KCNS3: variants seen among roughly 807,000 people sequenced by gnomAD.
KCNS3 encodes delayed-rectifier potassium channel regulatory subunit KCNS3.
A neutral mutation model predicts 31.0 loss-of-function variants in KCNS3; 13 were observed. The observed-to-expected ratio is 0.42, with a 90% CI of 0.27 to 0.67. The LOEUF (loss-of-function observed/expected upper bound fraction) is 0.67. Ranked by LOEUF, KCNS3 falls within the 30% of genes least tolerant of loss-of-function variation. The probability of loss-of-function intolerance (pLI) is 0.25; values close to 1 mark genes in which losing one functional copy is unlikely to be tolerated. For synonymous variants in KCNS3, 238 were observed against 241.5 expected, an observed-to-expected ratio of 0.99 and a Z score of 0.13; for missense variants, 545 against 622.4, an observed-to-expected ratio of 0.88 and a Z score of 1.32.
chr2:17,932,515 C>T lies in KCNS3; in HGVS notation c.*31C>T. 6.3e-7 allele frequency: 1 copy of T among 1,576,096 alleles called. No homozygotes were observed. The highest frequency in any genetic ancestry group is 8.6e-7 in the Non-Finnish European group (1 of 1,162,952). On this transcript the variant is annotated 3_prime_UTR_variant, in exon 3 of 3. Coordinates refer to ENST00000304101, the MANE Select transcript of KCNS3 (RefSeq NM_002252.5). ...GGTGTTTGTGCCTGTTTCTCTTATC[C>T]TTTCCCGACATTAGGTTAACACAGC...
In KCNS3 at chr2:17,932,246, A is replaced by G. The variant is rs1663014184; in HGVS notation, c.1238A>G (p.Tyr413Cys). 2 of 1,614,004 alleles carry G rather than the reference A, an allele frequency of 1.2e-6. No individual in the cohort carries two copies. The highest frequency in any genetic ancestry group is 1.7e-6 in the Non-Finnish European group (2 of 1,179,894). The change falls in exon 3 of 3, where the codon TAC (tyrosine) becomes TGC (cysteine). Residue 413 changes from tyrosine (Y) to cysteine (C), a missense_variant. By Grantham distance (194) the Tyr-to-Cys change is radical. Transcript: ENST00000304101. Reference sequence around the variant, plus strand: ...ATCTTCAACAAGTTTTCCAAGTACTACCAGAAGCAAAAGGACATTGATGTG... The same window carrying G: ...ATCTTCAACAAGTTTTCCAAGTACTGCCAGAAGCAAAAGGACATTGATGTG... ...TIIFNKFSKY[Y>C]QKQKDIDVDQ...
intron 1 of KCNS3, among the ~76,000 whole-genome samples, chr2:17,906,639 A>G (rs1662324217): frequency 6.6e-6 from 1 of 152,212 alleles, no homozygotes; most frequent in Non-Finnish European, 1.5e-5. Flanking sequence ...TAAATGTCCC[A>G]GAGATTCTGG....
Position 17,932,491 on chromosome 2 carries a change from G to C in KCNS3, c.*7G>C, listed in dbSNP as rs753429258. ...GAATTGCACAGCAAAATGAGCGGGG[G>C]TGTTTGTGCCTGTTTCTCTTATCCT... On this transcript the variant is annotated 3_prime_UTR_variant, in exon 3 of 3. Transcript: ENST00000304101. The C allele has an allele frequency of 7.5e-6, 12 of 1,600,002 alleles. No individual in the cohort carries two copies. In the Admixed American group the frequency reaches 8.5e-5, roughly 11 times the overall value.
At chr2:17,926,562 C>G (rs1289237932) in intron 2 of KCNS3, among the ~76,000 whole-genome samples, 4 of 152,330 alleles carry the variant, frequency 2.6e-5, no homozygotes, top group Non-Finnish European at 5.9e-5. Context: ...TTCTTCTGTC[C>G]ACTTGCAGGC....
chr2:17,885,473 T>C (rs1228180741), intron 1 of KCNS3, among the ~76,000 whole-genome samples: 4 of 152,192 alleles, frequency 2.6e-5, no homozygotes, highest in African/African-American at 9.6e-5. Flanking sequence ...AGAAATTGGT[T>C]CACGCAATTA....
intron 1 of KCNS3, among the ~76,000 whole-genome samples, chr2:17,894,153 C>T (rs1661931535): frequency 6.6e-6 from 1 of 151,952 alleles, no homozygotes; most frequent in African/African-American, 2.4e-5. Context: ...GTGAGCAACT[C>T]AGAAACAATT....
chr2:17,884,357 C>T (rs969152910), intron 1 of KCNS3, among the ~76,000 whole-genome samples: 1 of 145,420 alleles, frequency 6.9e-6, no homozygotes, highest in African/African-American at 2.6e-5. Context: ...AGGTCAAGTT[C>T]AAGGTCTTAT....
At position 17,932,715 on chromosome 2, in the gene KCNS3, A is replaced by G. The variant is rs758172237; in HGVS notation, c.*231A>G. The G allele has an allele frequency of 2.6e-5, 12 of 468,688 alleles. No homozygotes were observed. The highest frequency in any genetic ancestry group is 5.9e-5 in the African/African-American group (3 of 50,600). The allele number at this position is 468,688 out of a possible 1,614,324, so 29.0% of individuals were successfully genotyped here. A position where few individuals can be genotyped will look rare whatever the true frequency, so the allele number is the denominator to read the frequency against. On this transcript the variant is annotated 3_prime_UTR_variant, in exon 3 of 3. Coordinates refer to ENST00000304101, the MANE Select transcript of KCNS3 (RefSeq NM_002252.5). ...ATTTTTTACAAGAGAGAGTTGTGAT[A>G]TAGTTTGGAATATAAGATAAATGGT... is the stretch of plus-strand genomic sequence containing the variant.
chr2:17,914,979 T>C (rs1318862113), intron 1 of KCNS3, among the ~76,000 whole-genome samples: 1 of 152,236 alleles, frequency 6.6e-6, no homozygotes, highest in Non-Finnish European at 1.5e-5. Context: ...TTGCTTTTCC[T>C]TGGGTTCTGT....
intron 2 of KCNS3, among the ~76,000 whole-genome samples, chr2:17,923,115 T>A (rs2083261406): frequency 6.6e-6 from 1 of 152,220 alleles, no homozygotes; most frequent in Admixed American, 6.5e-5. Flanking sequence ...ACCTGATGTA[T>A]CATAATACAA....
rs142664412 is a variant in KCNS3 at position 17,908,230 on chromosome 2, C to G, written c.-251-9450C>G. Among the ~76,000 whole-genome samples, 176 of 152,230 alleles carry G rather than the reference C, an allele frequency of 1.2e-3. 1 individual carries two copies. In the East Asian group the frequency reaches 0.024, roughly 21 times the overall value. On this transcript the variant is annotated intron_variant, in intron 1 of 2. Coordinates refer to ENST00000304101, the MANE Select transcript of KCNS3 (RefSeq NM_002252.5). The stretch of plus-strand genomic sequence containing the variant: ...TCATTTAATCTTCAATCACTGATAC[C>G]CTTTCTTCCAGTTGATTGAATCGGC...
intron 1 of KCNS3, among the ~76,000 whole-genome samples, chr2:17,902,728 C>T (rs1027524611): frequency 6.6e-6 from 1 of 152,102 alleles, no homozygotes; most frequent in African/African-American, 2.4e-5. Context: ...TGGTGATTTG[C>T]CACGTACACT....
intron 1 of KCNS3, among the ~76,000 whole-genome samples, chr2:17,888,670 T>TATATATATATATAA (rs1256591810): frequency 7.7e-6 from 1 of 129,176 alleles, no homozygotes; most frequent in African/African-American, 2.9e-5. Flanking sequence ...TATATATATA[T>TATATATATATATAA]ATAAAGAAAA....
At chr2:17,893,839 G>T (rs987884074) in intron 1 of KCNS3, among the ~76,000 whole-genome samples, 2 of 150,082 alleles carry the variant, frequency 1.3e-5, no homozygotes, top group Non-Finnish European at 2.9e-5. Context: ...TTTCTGATTT[G>T]TTCTTGCAGC....
intron 1 of KCNS3, among the ~76,000 whole-genome samples, chr2:17,893,431 T>C (rs994178176): frequency 5.9e-5 from 9 of 152,214 alleles, no homozygotes; most frequent in African/African-American, 2.2e-4. Context: ...TCCTGAGTTC[T>C]GGCCAGGGGG....
intron 1 of KCNS3, among the ~76,000 whole-genome samples, chr2:17,911,187 A>G (rs1662463929): frequency 6.6e-6 from 1 of 152,042 alleles, no homozygotes; most frequent in Admixed American, 6.6e-5. Flanking sequence ...CTGACATACT[A>G]CTGGACCTTG....
Position 17,932,772 on chromosome 2 carries a change from A to G in KCNS3, c.*288A>G, listed in dbSNP as rs1663034038. 3.3e-6 allele frequency: 1 copy of G among 298,814 alleles called. No individual in the cohort carries two copies. 18.5% of individuals were successfully genotyped at this position (298,814 alleles called of 1,614,324 possible). A position where few individuals can be genotyped will look rare whatever the true frequency, so the allele number is the denominator to read the frequency against. ...TGGGGTTTGTGGCTACAGCTTATGC[A>G]TCATTCTGTGTTTGTCATTTACTCA... On this transcript the variant is annotated 3_prime_UTR_variant, in exon 3 of 3. Transcript: ENST00000304101.
intron 2 of KCNS3, among the ~76,000 whole-genome samples, chr2:17,920,792 T>C (rs537539457): frequency 6.6e-6 from 1 of 152,348 alleles, no homozygotes; most frequent in Admixed American, 6.5e-5. Flanking sequence ...TTAGACCCCA[T>C]GTGTCTTCAG....
At chr2:17,896,127 T>G (rs749927627) in intron 1 of KCNS3, among the ~76,000 whole-genome samples, 5 of 152,286 alleles carry the variant, frequency 3.3e-5, no homozygotes, top group Non-Finnish European at 5.9e-5. Flanking sequence ...ACTACAGCCT[T>G]CAACTCCTGG....
Sources: gnomAD v4.1 joint callset for allele counts (sites outside exome capture counted in the v4.1 genomes callset) on GRCh38, gnomAD v4.1.1 for gene constraint, MANE v1.5 for transcripts, NCBI Gene and HGNC (gene_info 2026-07-23, HGNC 2026-07-21) for gene names.